Variants in TMEM132C observed in about 807,000 individuals in gnomAD.
The protein encoded by TMEM132C is transmembrane protein 132C.
A neutral mutation model predicts 61.4 loss-of-function variants in TMEM132C; 29 were observed. The observed-to-expected ratio is 0.47, with a 90% confidence interval of 0.35 to 0.64. The LOEUF is 0.64. Ranked by LOEUF, TMEM132C falls within the 30% of genes least tolerant of loss-of-function variation. The pLI is 0.00. For synonymous variants in TMEM132C, 656 were observed against 633.1 expected, an observed-to-expected ratio of 1.04 and a Z score of -0.54; for missense variants, 1,408 against 1,476.9, an observed-to-expected ratio of 0.95 and a Z score of 0.76.
chr12:128,693,977 C>G lies in TMEM132C; in HGVS notation c.1598C>G (p.Ser533Cys), dbSNP rs374462906. 2 of 1,551,764 alleles carry G rather than the reference C, an allele frequency of 1.3e-6. No homozygotes were observed. Among genetic ancestry groups the G allele is most frequent in the Non-Finnish European group, 1.7e-6 (2 of 1,147,016 alleles). The change falls in exon 6 of 9, where the codon TCT (serine) becomes TGT (cysteine). Residue 533 changes from serine to cysteine, a missense_variant. By Grantham distance (112) the Ser-to-Cys change is moderately radical. Coordinates refer to ENST00000435159, the MANE Select transcript of TMEM132C (RefSeq NM_001136103.3). ...CGGCTGCCCCTGCAGATCGAGGTCT[C>G]TGACACGGAGCTCAGCCAGATAAAG... ...VPRLPLQIEV[S>C]DTELSQIKGW... is the part of the protein sequence containing the mutation.
intron 4 of TMEM132C, among the ~76,000 whole-genome samples, chr12:128,631,366 G>A (rs1954063577): frequency 6.6e-6 from 1 of 152,204 alleles, no homozygotes; most frequent in African/African-American, 2.4e-5. Flanking sequence ...TGTGGTGATG[G>A]AGTTGACTCA....
At chr12:128,486,291 A>C (rs1440647470) in intron 2 of TMEM132C, among the ~76,000 whole-genome samples, 1 of 152,190 alleles carries the variant, frequency 6.6e-6, no homozygotes, top group Non-Finnish European at 1.5e-5. Flanking sequence ...AAGTGACAGC[A>C]TTCTCCAGAC....
chr12:128,663,571 A>G (rs1954415772), intron 4 of TMEM132C, among the ~76,000 whole-genome samples: 1 of 152,184 alleles, frequency 6.6e-6, no homozygotes, highest in Non-Finnish European at 1.5e-5. Flanking sequence ...CAGTGAGTCA[A>G]ACTCCCCTAA....
intron 1 of TMEM132C, among the ~76,000 whole-genome samples, chr12:128,331,427 A>G (rs75053414): frequency 1.0e-3 from 159 of 152,268 alleles, no homozygotes; most frequent in African/African-American, 3.4e-3. Flanking sequence ...TAATTTCTCA[A>G]TACTTCTGAG....
At chr12:128,668,989 T>G (rs1408622221) in intron 4 of TMEM132C, among the ~76,000 whole-genome samples, 2 of 152,156 alleles carry the variant, frequency 1.3e-5, no homozygotes, top group East Asian at 1.9e-4. Context: ...AAGGTAACAT[T>G]CACAAATCCC....
At chr12:128,414,626 AT>A in intron 1 of TMEM132C, 105 bp from the exon 2 acceptor site, 1 of 1,262,596 alleles carries the variant, frequency 7.9e-7, no homozygotes, top group Non-Finnish European at 1.0e-6. Flanking sequence ...GGGCTTCAGA[AT>A]TTCTATCCCT....
At chr12:128,271,284 TAATAATAATAATAATA>T (rs1322950389) in intron 1 of TMEM132C, among the ~76,000 whole-genome samples, 13 of 112,784 alleles carry the variant, frequency 1.2e-4, no homozygotes, top group African/African-American at 4.0e-4. Flanking sequence ...ATAATAATAA[TAATAATAATAATAATA>T]ATAATAAAAT....
intron 2 of TMEM132C, among the ~76,000 whole-genome samples, chr12:128,483,508 G>C (rs917088665): frequency 2.6e-5 from 4 of 152,132 alleles, no homozygotes; most frequent in Middle Eastern, 3.4e-3. Flanking sequence ...TCCACCATTC[G>C]ATACCTCTGT....
intron 1 of TMEM132C, 115 bp downstream of exon 1, chr12:128,267,602 C>G (rs1870352964): frequency 1.2e-6 from 1 of 854,132 alleles, no homozygotes; most frequent in East Asian, 4.5e-5. Context: ...GGCGGGGGCT[C>G]GGATCCCATC....
intron 3 of TMEM132C, among the ~76,000 whole-genome samples, chr12:128,549,219 G>A (rs1874067842): frequency 6.6e-6 from 1 of 152,102 alleles, no homozygotes; most frequent in Non-Finnish European, 1.5e-5. Context: ...GTTATTCTGG[G>A]TGTGCTCCTC....
chr12:128,502,462 G>A (rs1206383841), intron 2 of TMEM132C, among the ~76,000 whole-genome samples: 4 of 152,164 alleles, frequency 2.6e-5, no homozygotes, highest in Non-Finnish European at 4.4e-5. Flanking sequence ...CTTTAACTTG[G>A]TTACGATTTC....
At chr12:128,643,976 T>TCC (rs1268029127) in intron 4 of TMEM132C, among the ~76,000 whole-genome samples, 2 of 152,126 alleles carry the variant, frequency 1.3e-5, no homozygotes, top group African/African-American at 4.8e-5. Flanking sequence ...TTAATTGAAA[T>TCC]CTGAAATGGT....
At chr12:128,699,467 G>T (rs761988241) in intron 8 of TMEM132C, among the ~76,000 whole-genome samples, 1 of 152,172 alleles carries the variant, frequency 6.6e-6, no homozygotes, top group Non-Finnish European at 1.5e-5. Context: ...TTCTTGGCAG[G>T]TTACTGGCTG....
intron 2 of TMEM132C, among the ~76,000 whole-genome samples, chr12:128,501,311 C>T (rs1018399329): frequency 1.3e-5 from 2 of 152,192 alleles, no homozygotes; most frequent in Non-Finnish European, 2.9e-5. Flanking sequence ...ATTTTGAAAT[C>T]TTGATGCACA....
chr12:128,393,814 A>T (rs570683595), intron 1 of TMEM132C, among the ~76,000 whole-genome samples: 1 of 152,350 alleles, frequency 6.6e-6, no homozygotes, highest in African/African-American at 2.4e-5. Context: ...GAAAGGGCGA[A>T]TGGGCAAAGG....
chr12:128,575,466 G>C (rs1875058205), intron 3 of TMEM132C, among the ~76,000 whole-genome samples: 1 of 151,484 alleles, frequency 6.6e-6, no homozygotes, highest in African/African-American at 2.4e-5. Flanking sequence ...GCGACAGAGT[G>C]AGACTCCGTC....
chr12:128,524,505 C>A (rs1425184684), intron 2 of TMEM132C, among the ~76,000 whole-genome samples: 2 of 151,972 alleles, frequency 1.3e-5, no homozygotes, highest in Non-Finnish European at 2.9e-5. Context: ...TGTTGTTCAC[C>A]TTTTTTTTCA....
intron 1 of TMEM132C, among the ~76,000 whole-genome samples, chr12:128,378,743 A>T (rs144812049): frequency 7.9e-5 from 12 of 152,248 alleles, no homozygotes; most frequent in African/African-American, 2.4e-4. Context: ...AAGAAGGTTG[A>T]GGTGATACGG....
intron 1 of TMEM132C, among the ~76,000 whole-genome samples, chr12:128,374,860 G>A (rs1593030005): frequency 6.6e-6 from 1 of 150,690 alleles, no homozygotes; most frequent in Non-Finnish European, 1.5e-5. Context: ...GGTGGAGGTT[G>A]CAGTGAGCCG....
Sources: allele counts gnomAD v4.1 joint callset (sites outside exome capture counted in the v4.1 genomes callset), GRCh38; gene constraint gnomAD v4.1.1; transcripts MANE v1.5; gene names NCBI Gene and HGNC (gene_info 2026-07-23, HGNC 2026-07-21).